CAMTA1: variants seen among roughly 807,000 people sequenced by gnomAD.
The protein encoded by CAMTA1 is calmodulin binding transcription activator 1, also known as calmodulin-binding transcription activator 1.
In CAMTA1, 27 loss-of-function variants were observed where a neutral mutation model predicts 170.9. The observed-to-expected ratio is 0.16, with a 90% confidence interval of 0.12 to 0.22. CAMTA1 has a LOEUF of 0.22. Among genes scored for constraint, CAMTA1 ranks in the 10% least tolerant of loss-of-function variants. The probability of loss-of-function intolerance (pLI) is 1.00; values close to 1 mark genes in which losing one functional copy is unlikely to be tolerated. For synonymous variants in CAMTA1, 833 were observed against 891.5 expected (o/e 0.93, Z 1.17); for missense variants, 1,619 against 2,217.2 (o/e 0.73, Z 5.42).
At chr1:6,956,958 G>A (rs576537436) in intron 3 of CAMTA1, among the ~76,000 whole-genome samples, 1 of 152,354 alleles carries the variant, frequency 6.6e-6, no homozygotes, top group South Asian at 2.1e-4. Context: ...TGGCCTTGGT[G>A]GGGGCCCAGC....
chr1:7,276,303 A>ATATATATATATATATATT, intron 5 of CAMTA1, among the ~76,000 whole-genome samples: 2 of 24,228 alleles, frequency 8.3e-5, no homozygotes, highest in African/African-American at 3.0e-4. Flanking sequence ...ATATATATAT[A>ATATATATATATATATATT]TTTTTTTTTT....
Position 7,755,653 on chromosome 1 carries a change from T to C in CAMTA1, c.4974T>C (p.His1658=), listed in dbSNP as rs187614213. ...CTGTCTAAAGCCCCCTGGTGGACCA[T>C]AGGCTGTACAAAAGGGTGAGTTTAG... The part of the protein sequence containing the change: ...RRCRHSPLVD[H]RLYKRSERIE... The change falls in exon 22 of 23, where the codon CAT becomes CAC. Residue 1658 remains histidine (H), a synonymous_variant. Coordinates refer to ENST00000303635, the MANE Select transcript of CAMTA1 (RefSeq NM_015215.4). 6.2e-7 allele frequency: 1 copy of C among 1,613,902 alleles called. No individual in the cohort carries two copies. Among genetic ancestry groups the C allele is most frequent in the East Asian group, 2.2e-5 (1 of 44,864 alleles).
Position 7,144,207 on chromosome 1 carries a change from C to T in CAMTA1, c.302+52836C>T, listed in dbSNP as rs1434620793. 1.3e-5 allele frequency among the ~76,000 whole-genome samples: 2 copies of T among 152,036 alleles called. No individual in the cohort carries two copies. The highest frequency in any genetic ancestry group is 4.8e-5 in the African/African-American group (2 of 41,368). ...TTTCTGGCTTGTGGACGACTGCCTT[C>T]TTGCTATGTCCTCAGATGGCCTTTT... On this transcript the variant is annotated intron_variant, in intron 4 of 22. Coordinates refer to ENST00000303635, the MANE Select transcript of CAMTA1 (RefSeq NM_015215.4). This position sits in a 1 kb window ranked among gnomAD's most constrained non-coding sequence, Gnocchi z 4.0.
chr1:7,607,564 A>G (rs1315370649), intron 6 of CAMTA1, among the ~76,000 whole-genome samples: 5 of 149,220 alleles, frequency 3.4e-5, no homozygotes, highest in Non-Finnish European at 5.9e-5. Context: ...GCATATATGG[A>G]GGGGTGGGAG....
At chr1:7,102,750 A>G (rs1212313007) in intron 4 of CAMTA1, among the ~76,000 whole-genome samples, 1 of 152,064 alleles carries the variant, frequency 6.6e-6, no homozygotes, top group Non-Finnish European at 1.5e-5. Flanking sequence ...TCAGTTCACC[A>G]GTGTTGGGCG....
At chr1:7,369,029 G>A (rs539365882) in intron 5 of CAMTA1, 2 of 152,482 alleles carry the variant, frequency 1.3e-5, no homozygotes, top group African/African-American at 4.8e-5. Flanking sequence ...AGAGGGGAGA[G>A]TTTGGAGGCC....
At chr1:7,213,221 C>A (rs1659101119) in intron 4 of CAMTA1, among the ~76,000 whole-genome samples, 1 of 152,174 alleles carries the variant, frequency 6.6e-6, no homozygotes, top group Admixed American at 6.5e-5. Flanking sequence ...TTTATTTTCC[C>A]ACCAGCAATG....
intron 6 of CAMTA1, among the ~76,000 whole-genome samples, chr1:7,477,037 G>A (rs2093431275): frequency 6.6e-6 from 1 of 152,172 alleles, no homozygotes; most frequent in African/African-American, 2.4e-5. Flanking sequence ...GCAGACGCTT[G>A]CGCCATTAGA....
At chr1:7,514,251 G>C (rs1164965888) in intron 6 of CAMTA1, among the ~76,000 whole-genome samples, 1 of 152,200 alleles carries the variant, frequency 6.6e-6, no homozygotes, top group Non-Finnish European at 1.5e-5. Flanking sequence ...ATTCTCCTTA[G>C]ACCTCCAGCC....
At chr1:6,795,040 C>T (rs1033919704) in intron 1 of CAMTA1, among the ~76,000 whole-genome samples, 1 of 151,990 alleles carries the variant, frequency 6.6e-6, no homozygotes, top group Admixed American at 6.6e-5. Flanking sequence ...CAGTGGAGGA[C>T]TGCCTAGCTG....
At chr1:6,992,126 G>C (rs1324614789) in intron 3 of CAMTA1, among the ~76,000 whole-genome samples, 5 of 152,154 alleles carry the variant, frequency 3.3e-5, no homozygotes, top group Non-Finnish European at 7.4e-5. Flanking sequence ...CTGGAGTGCA[G>C]TGATGCAGTT....
chr1:7,720,320 C>T (rs891912941), intron 11 of CAMTA1, among the ~76,000 whole-genome samples: 2 of 152,142 alleles, frequency 1.3e-5, no homozygotes, highest in African/African-American at 4.8e-5. Context: ...CCAAATAGTC[C>T]ATTTTTCTCT....
chr1:7,667,271 G>A (rs892224904), intron 9 of CAMTA1, among the ~76,000 whole-genome samples: 1 of 151,898 alleles, frequency 6.6e-6, no homozygotes, highest in African/African-American at 2.4e-5. Context: ...ACCCCATGAA[G>A]GCCAGTTGGG....
intron 6 of CAMTA1, among the ~76,000 whole-genome samples, chr1:7,617,508 A>G (rs973171341): frequency 2.6e-5 from 4 of 152,104 alleles, no homozygotes; most frequent in Admixed American, 2.6e-4. Flanking sequence ...TGAGTCCTCT[A>G]CCCTCAGGCT....
rs139528773 is a variant in CAMTA1, at chr1:7,093,098, C to A, written c.302+1727C>A. On this transcript the variant is annotated intron_variant, in intron 4 of 22. Coordinates refer to ENST00000303635, the MANE Select transcript of CAMTA1 (RefSeq NM_015215.4). The surrounding 1 kb of genome is among the most constrained non-coding windows in gnomAD (Gnocchi z 4.6). The stretch of plus-strand genomic sequence containing the variant: ...AATACGGCCATGTTAAACTAGAGAG[C>A]CTGACATGCTCATTTCCCCTTTCTT... Among the ~76,000 whole-genome samples the A allele has an allele frequency of 5.4e-4, 82 of 152,288 alleles. No homozygotes were observed. The highest frequency in any genetic ancestry group is 9.4e-4 in the Non-Finnish European group (64 of 68,032).
intron 4 of CAMTA1, among the ~76,000 whole-genome samples, chr1:7,100,597 G>T (rs1642600436): frequency 6.6e-6 from 1 of 152,250 alleles, no homozygotes. Context: ...GCTGCTCAGG[G>T]CTGGGAAATC....
At chr1:7,418,208 G>A (rs1438187445) in intron 5 of CAMTA1, among the ~76,000 whole-genome samples, 1 of 151,996 alleles carries the variant, frequency 6.6e-6, no homozygotes, top group Admixed American at 6.6e-5. Flanking sequence ...TTTTGTTGTT[G>A]TTGTTGAGAT....
chr1:7,175,736 C>G (rs1409374646), intron 4 of CAMTA1, among the ~76,000 whole-genome samples: 1 of 152,218 alleles, frequency 6.6e-6, no homozygotes, highest in Non-Finnish European at 1.5e-5. Context: ...TGTCCCTGGC[C>G]GAGGCTTCTC....
At chr1:7,274,433 T>C (rs956554815) in intron 5 of CAMTA1, among the ~76,000 whole-genome samples, 1 of 152,162 alleles carries the variant, frequency 6.6e-6, no homozygotes, top group Non-Finnish European at 1.5e-5. Context: ...TGCACCTAAT[T>C]ACACAGCTTC....
Sources: allele counts gnomAD v4.1 joint callset (sites outside exome capture counted in the v4.1 genomes callset), GRCh38; gene constraint gnomAD v4.1.1; non-coding constraint Gnocchi (gnomAD v3.1); transcripts MANE v1.5; gene names NCBI Gene and HGNC (gene_info 2026-07-23, HGNC 2026-07-21).